CTDSP1: variants seen among roughly 807,000 people sequenced by gnomAD.
CTDSP1 encodes the protein CTD small phosphatase 1.
CTDSP1 carries 15 observed loss-of-function variants against 32.5 expected under a neutral mutation model. The observed-to-expected ratio is 0.46, with a 90% CI of 0.31 to 0.71. The LOEUF is 0.71. CTDSP1 is among the 30% of genes least tolerant of loss of function. The pLI is 0.05. For synonymous variants in CTDSP1, 185 were observed against 145.4 expected (o/e 1.27, Z -1.96); for missense variants, 294 against 351.1 (o/e 0.84, Z 1.30).
chr2:218,398,415 G>C (rs769381378), upstream of CTDSP1: 21 of 1,535,440 alleles, frequency 1.4e-5, no homozygotes, highest in African/African-American at 2.7e-5. Flanking sequence ...GAAGCGCAAT[G>C]GTGGCCGCCC....
chr2:218,403,337 A>C lies in CTDSP1; in HGVS notation c.577A>C (p.Ser193Arg). 6.2e-7 allele frequency: 1 copy of C among 1,614,098 alleles called. No homozygotes were observed. ...FHRGNYVKDL[S>R]RLGRDLRRVL... Reference sequence around the variant, plus strand: ...CCGGGGGAACTACGTGAAGGACCTGAGCCGGTTGGGTCGAGACCTGCGGCG... The same window carrying C: ...CCGGGGGAACTACGTGAAGGACCTGCGCCGGTTGGGTCGAGACCTGCGGCG... The change falls in exon 6 of 7, where the codon AGC (serine) becomes CGC (arginine). Residue 193 changes from serine to arginine, a missense_variant. Coordinates refer to ENST00000273062, the MANE Select transcript of CTDSP1 (RefSeq NM_021198.3).
At position 218,399,965 on chromosome 2, in the gene CTDSP1, C is replaced by G; in HGVS notation, c.-126C>G. 1 of 1,163,802 alleles carries G rather than the reference C, an allele frequency of 8.6e-7. No homozygotes were observed. Among genetic ancestry groups the G allele is most frequent in the Non-Finnish European group, 1.1e-6 (1 of 928,186 alleles). 72.1% of individuals were successfully genotyped at this position (1,163,802 alleles called of 1,614,324 possible). The stretch of plus-strand genomic sequence containing the variant: ...CCTAGAACCTGGCTCCCCTCCCCTC[C>G]GGAGCTCGCGGGGATCCCTCCCTCC... On this transcript the variant is annotated 5_prime_UTR_variant, in exon 1 of 7. Transcript: ENST00000273062.
upstream of CTDSP1, chr2:218,399,732 C>G: frequency 4.0e-6 from 4 of 1,005,884 alleles, no homozygotes; most frequent in Non-Finnish European, 4.7e-6. Context: ...CGGCAGGAAC[C>G]CGGCCCGGCC....
Position 218,399,975 on chromosome 2 carries a change from G to T in CTDSP1, c.-116G>T. On this transcript the variant is annotated 5_prime_UTR_variant, in exon 1 of 7. Coordinates refer to ENST00000273062, the MANE Select transcript of CTDSP1 (RefSeq NM_021198.3). ...GGCTCCCCTCCCCTCCGGAGCTCGC[G>T]GGGATCCCTCCCTCCCACCCCTCCC... 1.0e-6 allele frequency: 1 copy of T among 991,382 alleles called. No homozygotes were observed. Among genetic ancestry groups the T allele is most frequent in the African/African-American group, 1.8e-5 (1 of 55,308 alleles). 61.4% of individuals were successfully genotyped at this position (991,382 alleles called of 1,614,324 possible). A position where few individuals can be genotyped will look rare whatever the true frequency, so the allele number is the denominator to read the frequency against.
chr2:218,397,697 A>G (rs1171229175), upstream of CTDSP1, among the ~76,000 whole-genome samples: 1 of 152,174 alleles, frequency 6.6e-6, no homozygotes, highest in East Asian at 1.9e-4. Flanking sequence ...CTCCACCTGT[A>G]GAGACAGAGG....
chr2:218,397,956 G>C (rs529893749), upstream of CTDSP1, among the ~76,000 whole-genome samples: 1 of 152,360 alleles, frequency 6.6e-6, no homozygotes, highest in East Asian at 1.9e-4. Context: ...GGGTGGAGGA[G>C]GTGGGGGATT....
At chr2:218,402,240 G>T in intron 3 of CTDSP1, 25 bp downstream of exon 3, 1 of 1,612,352 alleles carries the variant, frequency 6.2e-7, no homozygotes, top group Non-Finnish European at 8.5e-7. Context: ...ACAGCCCTCA[G>T]CCCGGGTCTC....
chr2:218,400,923 G>T (rs1318571443), intron 1 of CTDSP1: 10 of 455,606 alleles, frequency 2.2e-5, no homozygotes, highest in African/African-American at 1.8e-4. Flanking sequence ...CCTGGGTCTG[G>T]CTGCCCCGGA....
intron 1 of CTDSP1, 137 bp from the exon 2 acceptor site, chr2:218,401,423 AAGTC>A: frequency 1.1e-6 from 1 of 913,566 alleles, no homozygotes; most frequent in Non-Finnish European, 1.7e-6. Context: ...GTTTCAGAGA[AAGTC>A]AGGAGCTGCC....
At chr2:218,398,283 C>G (rs1436709417), upstream of CTDSP1, 4 of 840,584 alleles carry the variant, frequency 4.8e-6, no homozygotes, top group Non-Finnish European at 7.5e-6. Context: ...TTTCTTGAAA[C>G]TCAGTTTCCT....
upstream of CTDSP1, chr2:218,398,333 G>A (rs574651308): frequency 1.4e-4 from 183 of 1,306,144 alleles, no homozygotes; most frequent in African/African-American, 2.3e-3. Flanking sequence ...GTTCTAAGGG[G>A]TAAATGAGAT....
At chr2:218,397,765 A>T (rs1248962097), upstream of CTDSP1, among the ~76,000 whole-genome samples, 1 of 151,972 alleles carries the variant, frequency 6.6e-6, no homozygotes, top group Non-Finnish European at 1.5e-5. Flanking sequence ...CCCTCCCCCC[A>T]CGCAATCCTG....
At chr2:218,400,662 A>C (rs1249705009) in intron 1 of CTDSP1, 10 of 445,362 alleles carry the variant, frequency 2.2e-5, no homozygotes, top group East Asian at 1.4e-4. Flanking sequence ...TTCCCCACAA[A>C]CTTCGCGTCA....
rs1697316596 is a variant in CTDSP1, at chr2:218,404,558, CCCCCACCAG to C, written c.*143_*151del. 3 of 1,113,414 alleles carry C rather than the reference CCCCCACCAG, an allele frequency of 2.7e-6. No homozygotes were observed. The highest frequency in any genetic ancestry group is 3.8e-6 in the Non-Finnish European group (3 of 785,936). The allele number at this position is 1,113,414 out of a possible 1,614,324, so 69.0% of individuals were successfully genotyped here. The stretch of plus-strand genomic sequence containing the variant: ...CAGTGCCATGGGGAAGCGGGCGTCT[CCCCCACCAG>C]CCCCACCAGGCGGTGTAGGGGCAGC... On this transcript the variant is annotated 3_prime_UTR_variant, in exon 7 of 7. Coordinates refer to ENST00000273062, the MANE Select transcript of CTDSP1 (RefSeq NM_021198.3).
intron 4 of CTDSP1, 32 bp from the exon 5 acceptor site, chr2:218,402,995 CCCCACTGG>C (rs1697230283): frequency 6.7e-7 from 1 of 1,494,374 alleles, no homozygotes; most frequent in Non-Finnish European, 9.3e-7. Flanking sequence ...CCCCACACTG[CCCCACTGG>C]CCCGCAGCCC....
rs1215394247 is a variant in CTDSP1, at chr2:218,404,748, G to A, written c.*323G>A. 1.1e-5 allele frequency: 3 copies of A among 263,706 alleles called. No homozygotes were observed. The Admixed American group carries it at 1.6e-4, about 14-fold the overall frequency. 16.3% of individuals were successfully genotyped at this position (263,706 alleles called of 1,614,324 possible). On this transcript the variant is annotated 3_prime_UTR_variant, in exon 7 of 7. Transcript: ENST00000273062. ...CTCTGCTGCCAAATTGGGCCCCTTG[G>A]CCCCTTCCGGTTCTGCTTCCTGGGG... is the stretch of plus-strand genomic sequence containing the variant.
upstream of CTDSP1, chr2:218,399,622 C>T (rs868719543): frequency 4.3e-5 from 29 of 668,510 alleles, no homozygotes; most frequent in African/African-American, 5.3e-4. Flanking sequence ...GGGCGCTCGG[C>T]GGCCTGGAAC....
At chr2:218,402,955 C>G in intron 4 of CTDSP1, 80 bp from the exon 5 acceptor site, 1 of 1,061,728 alleles carries the variant, frequency 9.4e-7, no homozygotes, top group Non-Finnish European at 1.4e-6. Flanking sequence ...CTCTGCCTCC[C>G]TGGCCCATGC....
chr2:218,399,120 T>C (rs1005110864), upstream of CTDSP1: 6 of 152,190 alleles, frequency 3.9e-5, no homozygotes, highest in Non-Finnish European at 8.8e-5. Context: ...GAAGGTGGCA[T>C]TTCCTCGAGG....
Sources: gnomAD v4.1 joint callset for allele counts (sites outside exome capture counted in the v4.1 genomes callset) on GRCh38, gnomAD v4.1.1 for gene constraint, MANE v1.5 for transcripts, NCBI Gene and HGNC (gene_info 2026-07-23, HGNC 2026-07-21) for gene names.